AGBL1: variants seen among roughly 807,000 people sequenced by gnomAD.
AGBL1 encodes AGBL carboxypeptidase 1, also known as cytosolic carboxypeptidase 4.
Under a neutral mutation model 118.9 loss-of-function variants are expected in AGBL1, and 130 were observed. That is an observed-to-expected ratio of 1.09 (90% CI 0.95 to 1.26). The LOEUF is 1.26. AGBL1 is among the 50% of genes most tolerant of loss of function. The probability of loss-of-function intolerance (pLI) is 0.00; values close to 1 mark genes in which losing one functional copy is unlikely to be tolerated. For missense variants in AGBL1, 1,584 were observed against 1,298.1 expected, an observed-to-expected ratio of 1.22 and a Z score of -3.38; for synonymous variants, 555 against 478.9, an observed-to-expected ratio of 1.16 and a Z score of -2.08.
At chr15:87,026,084 A>T (rs1460611504) in intron 24 of AGBL1, among the ~76,000 whole-genome samples, 3 of 152,132 alleles carry the variant, frequency 2.0e-5, no homozygotes, top group Non-Finnish European at 4.4e-5. Context: ...ACCCTTATAG[A>T]CACTGGTTTA....
chr15:86,664,107 A>G (rs77971914), intron 21 of AGBL1, among the ~76,000 whole-genome samples: 2,564 of 152,296 alleles, frequency 0.017, 70 homozygotes, highest in African/African-American at 0.057. Flanking sequence ...CAGTGAATAT[A>G]TGGCCTTTTT....
chr15:86,749,769 A>T (rs985825779), intron 22 of AGBL1, among the ~76,000 whole-genome samples: 3 of 152,120 alleles, frequency 2.0e-5, no homozygotes, highest in Non-Finnish European at 4.4e-5. Context: ...TGAGATAATC[A>T]TGTGGTTTTT....
chr15:86,647,439 G>T (rs575239660), intron 21 of AGBL1, among the ~76,000 whole-genome samples: 4 of 152,166 alleles, frequency 2.6e-5, no homozygotes, highest in African/African-American at 7.2e-5. Flanking sequence ...AGCGCCTTAC[G>T]CCTGTAATCC....
At chr15:86,533,274 A>T (rs1235477633) in intron 19 of AGBL1, among the ~76,000 whole-genome samples, 1 of 108,984 alleles carries the variant, frequency 9.2e-6, no homozygotes, top group Admixed American at 8.3e-5. Context: ...AGAAAAAAAC[A>T]AACAACCCAG....
At chr15:86,629,849 G>C (rs756307618) in intron 21 of AGBL1, among the ~76,000 whole-genome samples, 2 of 152,180 alleles carry the variant, frequency 1.3e-5, no homozygotes, top group Non-Finnish European at 2.9e-5. Flanking sequence ...AGGAAAAAAA[G>C]AGAAAGAAGA....
chr15:86,824,042 A>G (rs373687955), intron 22 of AGBL1, among the ~76,000 whole-genome samples: 3 of 152,218 alleles, frequency 2.0e-5, no homozygotes, highest in South Asian at 2.1e-4. Context: ...CACTCTCACC[A>G]TTACTATTCA....
At chr15:86,370,692 T>C (rs1049768212) in intron 17 of AGBL1, among the ~76,000 whole-genome samples, 3 of 152,244 alleles carry the variant, frequency 2.0e-5, no homozygotes, top group African/African-American at 7.2e-5. Context: ...CCTCTACTTA[T>C]CTGCTCTCAT....
chr15:86,824,702 A>G (rs1319387240), intron 22 of AGBL1, among the ~76,000 whole-genome samples: 1 of 152,144 alleles, frequency 6.6e-6, no homozygotes, highest in East Asian at 1.9e-4. Flanking sequence ...AGCTATAGTA[A>G]TCAAGGCAGC....
At chr15:86,262,685 T>C (rs1464950962) in intron 9 of AGBL1, 93 bp from the exon 10 acceptor site, 1 of 867,498 alleles carries the variant, frequency 1.2e-6, no homozygotes, top group Admixed American at 2.0e-5. Context: ...AACCATGTCC[T>C]AAGATTCTGA....
At chr15:86,343,675 G>A (rs953682764) in intron 17 of AGBL1, among the ~76,000 whole-genome samples, 2 of 152,198 alleles carry the variant, frequency 1.3e-5, no homozygotes, top group African/African-American at 4.8e-5. Flanking sequence ...GAGAGGAGGG[G>A]AAGGCTTGGG....
chr15:86,234,580 G>A (rs1348426381), intron 6 of AGBL1, among the ~76,000 whole-genome samples: 4 of 147,020 alleles, frequency 2.7e-5, no homozygotes, highest in Non-Finnish European at 4.5e-5. Context: ...AAAAGAGTAA[G>A]TCACAGTGGA....
At chr15:86,373,557 A>G (rs1334493006) in intron 17 of AGBL1, among the ~76,000 whole-genome samples, 3 of 152,238 alleles carry the variant, frequency 2.0e-5, no homozygotes, top group Non-Finnish European at 4.4e-5. Flanking sequence ...TAGGCAGGCC[A>G]GTGGCCAGGA....
chr15:86,536,358 T>C (rs1035965890), intron 19 of AGBL1, among the ~76,000 whole-genome samples: 1 of 152,230 alleles, frequency 6.6e-6, no homozygotes, highest in Non-Finnish European at 1.5e-5. Flanking sequence ...GTCACCAGGC[T>C]GGAGTGCAGC....
At chr15:86,463,314 A>G (rs1212421501) in intron 18 of AGBL1, among the ~76,000 whole-genome samples, 8 of 151,042 alleles carry the variant, frequency 5.3e-5, no homozygotes, top group South Asian at 4.2e-4. Flanking sequence ...AATTTGTTTA[A>G]GTTCCTTATA....
At chr15:86,522,973 C>T (rs777248372) in intron 19 of AGBL1, 34 bp downstream of exon 19, 8 of 1,601,626 alleles carry the variant, frequency 5.0e-6, no homozygotes, top group Non-Finnish European at 6.8e-6. Context: ...ACCTTCCTGG[C>T]TGCTTCCTTC....
chr15:86,730,664 G>A (rs1171535244), intron 22 of AGBL1, among the ~76,000 whole-genome samples: 1 of 151,942 alleles, frequency 6.6e-6, no homozygotes, highest in African/African-American at 2.4e-5. Flanking sequence ...TTCTTCATTT[G>A]TCATCTGGCA....
At chr15:86,140,248 G>T (rs1205053145) in intron 1 of AGBL1, 2 of 149,190 alleles carry the variant, frequency 1.3e-5, no homozygotes, top group Non-Finnish European at 3.0e-5. Flanking sequence ...TGATTACTGT[G>T]GGTTTTTTTT....
chr15:86,513,318 G>T (rs1488994584), intron 18 of AGBL1, among the ~76,000 whole-genome samples: 1 of 151,832 alleles, frequency 6.6e-6, no homozygotes, highest in Admixed American at 6.6e-5. Flanking sequence ...AATTGGGTTT[G>T]TCTGATGTTT....
At chr15:86,351,591 C>T (rs960559104) in intron 17 of AGBL1, among the ~76,000 whole-genome samples, 4 of 152,082 alleles carry the variant, frequency 2.6e-5, no homozygotes, top group African/African-American at 9.7e-5. Flanking sequence ...ATAAGTCTTG[C>T]CTTTGGAAGA....
Sources: gnomAD v4.1 joint callset for allele counts (sites outside exome capture counted in the v4.1 genomes callset) on GRCh38, gnomAD v4.1.1 for gene constraint, MANE v1.5 for transcripts, NCBI Gene and HGNC (gene_info 2026-07-23, HGNC 2026-07-21) for gene names.